Variants in ZNF45 observed in about 807,000 individuals in gnomAD.
ZNF45 encodes the protein BRC1744.
In ZNF45, 4 loss-of-function variants were observed where a neutral mutation model predicts 12.0. That is an observed-to-expected ratio of 0.33 (90% CI 0.16 to 0.76). ZNF45 has a LOEUF of 0.76. ZNF45 is among the 30% of genes least tolerant of loss of function. The pLI is 0.60. For synonymous variants in ZNF45, 272 were observed against 279.6 expected, an observed-to-expected ratio of 0.97 and a Z score of 0.27; for missense variants, 700 against 813.0, an observed-to-expected ratio of 0.86 and a Z score of 1.69.
At chr19:43,927,095 GTCTC>G (rs1194126863) in intron 3 of ZNF45, among the ~76,000 whole-genome samples, 2 of 152,130 alleles carry the variant, frequency 1.3e-5, no homozygotes, top group Non-Finnish European at 2.9e-5. Context: ...CCACCTCAGA[GTCTC>G]TCTCTAGCCA....
In ZNF45 at chr19:43,935,241, G is replaced by A. The variant is rs1235413987; in HGVS notation, c.-1073C>T. The A allele has an allele frequency of 1.3e-5, 2 of 152,288 alleles. No individual in the cohort carries two copies. Among genetic ancestry groups the A allele is most frequent in the African/African-American group, 4.8e-5 (2 of 41,462 alleles). The allele number at this position is 152,288 out of a possible 1,614,324, so 9.4% of individuals were successfully genotyped here. A position where few individuals can be genotyped will look rare whatever the true frequency, so the allele number is the denominator to read the frequency against. On this transcript the variant is annotated 5_prime_UTR_variant, in exon 1 of 10. Transcript: ENST00000269973. ...CAGGACTCACTCACTTCCACGAGAGGAATGAAGGCCGCGCTCTCAACCTCT... is the reference window on the plus strand; with the variant it reads ...CAGGACTCACTCACTTCCACGAGAGAAATGAAGGCCGCGCTCTCAACCTCT...
chr19:43,922,828 T>TG (rs1555747340), intron 6 of ZNF45, among the ~76,000 whole-genome samples: 3 of 140,770 alleles, frequency 2.1e-5, no homozygotes, highest in Non-Finnish European at 4.6e-5. Context: ...TTGTTTTTTT[T>TG]TTTTTTTTTT....
chr19:43,919,871 T>C, intron 7 of ZNF45, 172 bp from the exon 8 acceptor site: 2 of 595,042 alleles, frequency 3.4e-6, no homozygotes, highest in South Asian at 2.8e-5. Context: ...TTTAGGTTTT[T>C]CCTTTTCATA....
At position 43,913,917 on chromosome 19, in the gene ZNF45, T is replaced by G. The variant is rs1190187407; in HGVS notation, c.1519A>C (p.Lys507Gln). 1 of 1,602,870 alleles carries G rather than the reference T, an allele frequency of 6.2e-7. No individual in the cohort carries two copies. The highest frequency in any genetic ancestry group is 8.5e-7 in the Non-Finnish European group (1 of 1,171,936). The change falls in exon 10 of 10, where the codon AAG (lysine) becomes CAG (glutamine). Residue 507 changes from lysine (K) to glutamine (Q), a missense_variant. Coordinates refer to ENST00000269973, the MANE Select transcript of ZNF45 (RefSeq NM_003425.4). Reference sequence around the variant, plus strand: ...AGGCTGGAGAACTGACTGAAGGCCTTACCACACCTCTCGCATTTATAGGGT... The same window carrying G: ...AGGCTGGAGAACTGACTGAAGGCCTGACCACACCTCTCGCATTTATAGGGT... ...EKPYKCERCG[K>Q]AFSQFSSLQV...
rs948632254 is a variant in ZNF45, at chr19:43,935,036, A to C, written c.-868T>G. 1.3e-5 allele frequency: 2 copies of C among 152,318 alleles called. No homozygotes were observed. The highest frequency in any genetic ancestry group is 2.9e-5 in the Non-Finnish European group (2 of 68,174). The allele number at this position is 152,318 out of a possible 1,614,324, so 9.4% of individuals were successfully genotyped here. A position where few individuals can be genotyped will look rare whatever the true frequency, so the allele number is the denominator to read the frequency against. On this transcript the variant is annotated 5_prime_UTR_variant, in exon 1 of 10. Transcript: ENST00000269973. ...GCCTCCCCATTCAGGTCCACTTCCA[A>C]CCAGGGGACTCCCGAACCGCCCCGA... is the stretch of plus-strand genomic sequence containing the variant.
At position 43,914,150 on chromosome 19, in the gene ZNF45, G is replaced by C; in HGVS notation, c.1286C>G (p.Ser429Ter). ...DACGKGFSRS[S>*]DFNIHFRVHT... ...GACTCTAAAATGAATGTTAAAATCTGAGCTACGACTGAAGCCCTTACCACA... is the reference window on the plus strand; with the variant it reads ...GACTCTAAAATGAATGTTAAAATCTCAGCTACGACTGAAGCCCTTACCACA... Residue 429 changes from serine (S) to a stop codon, truncating the protein, a stop_gained, in exon 10 of 10, where the codon TCA becomes TGA. Transcript: ENST00000269973. LOFTEE classifies it low-confidence loss of function (END_TRUNC). 2 of 1,613,894 alleles carry C rather than the reference G, an allele frequency of 1.2e-6. No individual in the cohort carries two copies. Among genetic ancestry groups the C allele is most frequent in the Non-Finnish European group, 1.7e-6 (2 of 1,179,912 alleles).
rs1161414653 is a variant in ZNF45, at chr19:43,914,263, C to T, written c.1173G>A (p.Glu391=). ...SHTGEKPYKC[E]ECGKGFCRAS... ...CCCGGCAGAAGCCTTTCCCACACTC[C>T]TCACATTTGTATGGCTTCTCTCCAG... Residue 391 remains glutamate, a synonymous_variant, in exon 10 of 10, where the codon GAG becomes GAA. Transcript: ENST00000269973. The T allele has an allele frequency of 6.2e-7, 1 of 1,613,096 alleles. No homozygotes were observed. The highest frequency in any genetic ancestry group is 1.1e-5 in the South Asian group (1 of 91,020).
In ZNF45 at chr19:43,922,820, G is replaced by GTTTT. The variant is rs368057244; in HGVS notation, c.-32-607_-32-604dup. On this transcript the variant is annotated intron_variant, in intron 6 of 9. Coordinates refer to ENST00000269973, the MANE Select transcript of ZNF45 (RefSeq NM_003425.4). ...AATGGTTTCTACCAATAAATTCTTT[G>GTTTT]TTTTTTTTTTTTTTTTTTTTTTTGA... Among the ~76,000 whole-genome samples the GTTTT allele has an allele frequency of 4.5e-3, 393 of 86,476 alleles. 6 individuals carry two copies. Among genetic ancestry groups the GTTTT allele is most frequent in the East Asian group, 0.019 (52 of 2,810 alleles). 56.7% of individuals were successfully genotyped at this position (86,476 alleles called of 152,430 possible).
chr19:43,930,243 C>T (rs1248627846), intron 3 of ZNF45, among the ~76,000 whole-genome samples: 1 of 152,166 alleles, frequency 6.6e-6, no homozygotes, highest in Non-Finnish European at 1.5e-5. Context: ...AGAGCATTAA[C>T]TCCTTCATGC....
At chr19:43,924,072 ACT>A (rs1973469486) in intron 6 of ZNF45, among the ~76,000 whole-genome samples, 164 bp downstream of exon 6, 1 of 152,062 alleles carries the variant, frequency 6.6e-6, no homozygotes, top group Non-Finnish European at 1.5e-5. Flanking sequence ...AAAAATCATG[ACT>A]CTGCAAGATT....
intron 3 of ZNF45, among the ~76,000 whole-genome samples, chr19:43,928,038 A>G (rs1973828372): frequency 6.6e-6 from 1 of 151,970 alleles, no homozygotes; most frequent in African/African-American, 2.4e-5. Flanking sequence ...AAAATTAGCC[A>G]GGCATGATGG....
rs762635395 is a variant in ZNF45, at chr19:43,913,363, C to G, written c.*24G>C. 35 of 1,520,964 alleles carry G rather than the reference C, an allele frequency of 2.3e-5. No homozygotes were observed. The highest frequency in any genetic ancestry group is 3.1e-5 in the Non-Finnish European group (35 of 1,136,460). 94.2% of individuals were successfully genotyped at this position (1,520,964 alleles called of 1,614,324 possible). On this transcript the variant is annotated 3_prime_UTR_variant, in exon 10 of 10. Transcript: ENST00000269973. ...TCTGATTATTAAAATATTTCAGCACCCATCTGAGATAGTAAAACATATTTT... is the reference window on the plus strand; with the variant it reads ...TCTGATTATTAAAATATTTCAGCACGCATCTGAGATAGTAAAACATATTTT...
chr19:43,918,372 C>T (rs1178311496), intron 9 of ZNF45, among the ~76,000 whole-genome samples: 1 of 152,138 alleles, frequency 6.6e-6, no homozygotes, highest in Non-Finnish European at 1.5e-5. Context: ...TGTGTGTGCC[C>T]TTGCCATTTG....
intron 7 of ZNF45, among the ~76,000 whole-genome samples, chr19:43,920,150 T>G (rs1334839759): frequency 6.6e-6 from 1 of 152,202 alleles, no homozygotes; most frequent in Non-Finnish European, 1.5e-5. Flanking sequence ...GGTTTTTTGG[T>G]CTGTAATTAA....
At chr19:43,929,845 CCT>C (rs1449310165) in intron 3 of ZNF45, 7 of 152,144 alleles carry the variant, frequency 4.6e-5, no homozygotes, top group African/African-American at 1.7e-4. Flanking sequence ...TACCATGGCC[CCT>C]GTTGGTTCAA....
chr19:43,924,172 A>C (rs1214744706), intron 6 of ZNF45, 66 bp downstream of exon 6: 1 of 152,172 alleles, frequency 6.6e-6, no homozygotes, highest in Non-Finnish European at 1.5e-5. Context: ...TATTTAACTA[A>C]ATACATATTA....
Position 43,918,925 on chromosome 19 carries a change from C to T in ZNF45, c.180G>A (p.Glu60=). Reference sequence around the variant, plus strand: ...TCATCATCCACAGCTTTTCTTCTCTCTCTAACTGTGGTAGGCCATCTGGTG... The same window carrying T: ...TCATCATCCACAGCTTTTCTTCTCTTTCTAACTGTGGTAGGCCATCTGGTG... The part of the protein sequence containing the change: ...QSTPDGLPQL[E]REEKLWMMKM... The change falls in exon 9 of 10, where the codon GAG becomes GAA. Residue 60 remains glutamate (E), a synonymous_variant. Transcript: ENST00000269973. The T allele has an allele frequency of 6.2e-7, 1 of 1,614,144 alleles. No homozygotes were observed. Among genetic ancestry groups the T allele is most frequent in the Non-Finnish European group, 8.5e-7 (1 of 1,180,022 alleles).
chr19:43,920,713 G>A lies in ZNF45; in HGVS notation c.16-1014C>T, dbSNP rs141623879. 7.7e-3 allele frequency among the ~76,000 whole-genome samples: 1,115 copies of A among 145,470 alleles called. 8 individuals are homozygous for A. The highest frequency in any genetic ancestry group is 0.026 in the African/African-American group (1,013 of 39,596). On this transcript the variant is annotated intron_variant, in intron 7 of 9. Coordinates refer to ENST00000269973, the MANE Select transcript of ZNF45 (RefSeq NM_003425.4). ...CCTCCTGGGTTCAAGTGATTCTTGT[G>A]CCTCAGCCTCCCGAGAAGCTGGGAA...
At chr19:43,927,441 A>G (rs1012777254) in intron 3 of ZNF45, among the ~76,000 whole-genome samples, 1 of 152,120 alleles carries the variant, frequency 6.6e-6, no homozygotes, top group Non-Finnish European at 1.5e-5. Flanking sequence ...TGAAGGGTCT[A>G]CTCTGTGCCA....
Sources: allele counts gnomAD v4.1 joint callset (sites outside exome capture counted in the v4.1 genomes callset), GRCh38; gene constraint gnomAD v4.1.1; transcripts MANE v1.5; gene names NCBI Gene and HGNC (gene_info 2026-07-23, HGNC 2026-07-21).